DENND4A: variants seen among roughly 807,000 people sequenced by gnomAD.
DENND4A encodes DENN domain containing 4A, also known as C-myc promoter-binding protein.
Under a neutral mutation model 199.3 loss-of-function variants are expected in DENND4A, and 70 were observed. The ratio of observed to expected loss-of-function variants is 0.35; its 90% CI spans 0.29 to 0.43. The LOEUF (loss-of-function observed/expected upper bound fraction) is 0.43. DENND4A is among the 20% of genes least tolerant of loss of function. The pLI, the probability that DENND4A is intolerant of heterozygous loss-of-function variation, is 1.00. For missense variants in DENND4A, 1,723 were observed against 2,255.8 expected (o/e 0.76, Z 4.78); for synonymous variants, 686 against 766.9 (o/e 0.89, Z 1.74).
intron 15 of DENND4A, among the ~76,000 whole-genome samples, chr15:65,705,377 T>C (rs2075015059): frequency 6.6e-6 from 1 of 152,160 alleles, no homozygotes; most frequent in Non-Finnish European, 1.5e-5. Context: ...AGAAATCTTT[T>C]AAACTCTAAA....
chr15:65,707,878 G>T (rs2075114756), intron 14 of DENND4A, among the ~76,000 whole-genome samples: 1 of 151,582 alleles, frequency 6.6e-6, no homozygotes, highest in Non-Finnish European at 1.5e-5. Context: ...TAGTGACAGG[G>T]TTTTACCATG....
intron 4 of DENND4A, among the ~76,000 whole-genome samples, chr15:65,742,532 T>G (rs1168503460): frequency 6.6e-6 from 1 of 151,924 alleles, no homozygotes; most frequent in East Asian, 1.9e-4. Context: ...TTCAAGTGAT[T>G]CTCCTGCCTC....
chr15:65,684,160 T>C (rs756392396), intron 23 of DENND4A, among the ~76,000 whole-genome samples: 1 of 152,250 alleles, frequency 6.6e-6, no homozygotes, highest in Non-Finnish European at 1.5e-5. Context: ...TTTTGGCTTT[T>C]ATGAACAATG....
chr15:65,788,192 T>C (rs2077618495), intron 1 of DENND4A, among the ~76,000 whole-genome samples: 1 of 151,978 alleles, frequency 6.6e-6, no homozygotes, highest in Non-Finnish European at 1.5e-5. Context: ...TTCTCCTGCC[T>C]CAGCCTCCCG....
At chr15:65,701,220 A>G in intron 18 of DENND4A, 28 bp from the exon 19 acceptor site, 1 of 1,483,466 alleles carries the variant, frequency 6.7e-7, no homozygotes, top group Non-Finnish European at 9.0e-7. Flanking sequence ...TAAAATAATT[A>G]GTAAAATAAT....
At chr15:65,699,586 CAT>C in intron 20 of DENND4A, among the ~76,000 whole-genome samples, 1 of 149,286 alleles carries the variant, frequency 6.7e-6, no homozygotes, top group Middle Eastern at 3.6e-3. Context: ...TATATAAATA[CAT>C]ATACATATGT....
chr15:65,715,783 G>A (rs2075380061), intron 13 of DENND4A, among the ~76,000 whole-genome samples, 160 bp from the exon 14 acceptor site: 1 of 152,010 alleles, frequency 6.6e-6, no homozygotes, highest in Non-Finnish European at 1.5e-5. Flanking sequence ...CAAAGAAATA[G>A]GAGAATAGTA....
chr15:65,752,301 A>AAAAAAG (rs2076587589), intron 4 of DENND4A, 78 bp downstream of exon 4: 1 of 676,484 alleles, frequency 1.5e-6, no homozygotes, highest in African/African-American at 2.0e-5. Context: ...AAAAAAAAAA[A>AAAAAAG]AAAAAAAAAA....
At chr15:65,679,925 TAAA>T (rs1436479926) in intron 23 of DENND4A, among the ~76,000 whole-genome samples, 1 of 152,060 alleles carries the variant, frequency 6.6e-6, no homozygotes, top group Non-Finnish European at 1.5e-5. Context: ...GGGGCTTCCT[TAAA>T]AAAACTCTGG....
chr15:65,738,677 G>A (rs771694832), intron 6 of DENND4A, 29 bp downstream of exon 6: 11 of 1,566,444 alleles, frequency 7.0e-6, no homozygotes, highest in Non-Finnish European at 9.5e-6. Context: ...CAAGAAATTT[G>A]TAGATACAAT....
At chr15:65,774,484 C>T (rs1349833391) in intron 1 of DENND4A, among the ~76,000 whole-genome samples, 1 of 150,246 alleles carries the variant, frequency 6.7e-6, no homozygotes, top group Non-Finnish European at 1.5e-5. Context: ...GAGTGAAACT[C>T]CATCTCAAAA....
chr15:65,726,215 C>T (rs1461460141), intron 11 of DENND4A: 2 of 152,086 alleles, frequency 1.3e-5, no homozygotes, highest in African/African-American at 4.8e-5. Flanking sequence ...GCCTCAGCCT[C>T]CCAAAGTGTG....
At position 65,702,317 on chromosome 15, in the gene DENND4A, A is replaced by G. The variant is rs766904023; in HGVS notation, c.2418T>C (p.Asp806=). 6.4e-7 allele frequency: 1 copy of G among 1,551,626 alleles called. No homozygotes were observed. Among genetic ancestry groups the G allele is most frequent in the Non-Finnish European group, 8.7e-7 (1 of 1,146,704 alleles). The stretch of plus-strand genomic sequence containing the variant: ...AAATAATTGTTACCTCATCAGGTGG[A>G]TCCATCTTCTTTGACTGCATTTTTT... ...VLKKMQSKKM[D]PPDEVCYRIL... The change falls in exon 17 of 33, where the codon GAT becomes GAC. Residue 806 remains aspartate, a synonymous_variant. Transcript: ENST00000443035.
chr15:65,662,345 T>G (rs2075872655), intron 32 of DENND4A, among the ~76,000 whole-genome samples: 1 of 152,248 alleles, frequency 6.6e-6, no homozygotes, highest in Non-Finnish European at 1.5e-5. Flanking sequence ...CTAGTCCTTT[T>G]ATGGTTTCAT....
chr15:65,665,608 T>C, intron 29 of DENND4A, 146 bp from the exon 30 acceptor site: 1 of 557,180 alleles, frequency 1.8e-6, no homozygotes, highest in Non-Finnish European at 3.0e-6. Flanking sequence ...CTACATTTGA[T>C]ATCTACTACA....
chr15:65,733,764 C>T (rs1466232622), intron 7 of DENND4A, among the ~76,000 whole-genome samples: 1 of 152,198 alleles, frequency 6.6e-6, no homozygotes, highest in Non-Finnish European at 1.5e-5. Flanking sequence ...CCTTGAGATT[C>T]TGTTAATCTA....
chr15:65,778,475 T>A (rs560233524), intron 1 of DENND4A, among the ~76,000 whole-genome samples: 46 of 147,578 alleles, frequency 3.1e-4, no homozygotes, highest in Middle Eastern at 3.6e-3. Context: ...AAAAAAGCGT[T>A]CCCCAGTACC....
intron 1 of DENND4A, among the ~76,000 whole-genome samples, chr15:65,791,642 C>T (rs1474216181): frequency 6.6e-6 from 1 of 152,134 alleles, no homozygotes; most frequent in Non-Finnish European, 1.5e-5. Context: ...TTCCGGGAAG[C>T]CACCTCCGAC....
chr15:65,752,328 T>G, intron 4 of DENND4A, 51 bp downstream of exon 4: 1 of 831,274 alleles, frequency 1.2e-6, no homozygotes, highest in Non-Finnish European at 1.7e-6. Context: ...TATTTAAAAT[T>G]ATGCTCTTTT....
Sources: gnomAD v4.1 joint callset for allele counts (sites outside exome capture counted in the v4.1 genomes callset) on GRCh38, gnomAD v4.1.1 for gene constraint, MANE v1.5 for transcripts, NCBI Gene and HGNC (gene_info 2026-07-23, HGNC 2026-07-21) for gene names.